Variants in AGBL4 observed in about 807,000 individuals in gnomAD.
AGBL4 encodes the protein AGBL carboxypeptidase 4.
AGBL4 carries 58 observed loss-of-function variants against 66.4 expected under a neutral mutation model. The ratio of observed to expected loss-of-function variants is 0.87; its 90% CI spans 0.71 to 1.09. The LOEUF is 1.09. Ranked by LOEUF, AGBL4 falls within the 50% of genes least tolerant of loss-of-function variation. AGBL4 has a pLI of 0.00. For synonymous variants in AGBL4, 234 were observed against 222.9 expected, an observed-to-expected ratio of 1.05 and a Z score of -0.44; for missense variants, 579 against 631.0, an observed-to-expected ratio of 0.92 and a Z score of 0.88.
At chr1:49,962,997 C>T (rs1407056524) in intron 1 of AGBL4, among the ~76,000 whole-genome samples, 1 of 152,132 alleles carries the variant, frequency 6.6e-6, no homozygotes, top group Non-Finnish European at 1.5e-5. Context: ...TTCCCCTGCA[C>T]ATCAATCAAA....
intron 1 of AGBL4, among the ~76,000 whole-genome samples, chr1:49,983,461 C>T (rs546074649): frequency 2.1e-4 from 32 of 152,352 alleles, no homozygotes; most frequent in Non-Finnish European, 3.5e-4. Flanking sequence ...GCTCACACAC[C>T]GCTCGCTGCT....
chr1:49,280,338 G>A (rs1644250084), intron 3 of AGBL4, among the ~76,000 whole-genome samples: 1 of 152,132 alleles, frequency 6.6e-6, no homozygotes, highest in Non-Finnish European at 1.5e-5. Flanking sequence ...TTTTGTGTCA[G>A]TTAAACTGTT....
At chr1:49,702,871 A>G (rs944685270) in intron 2 of AGBL4, among the ~76,000 whole-genome samples, 2 of 152,262 alleles carry the variant, frequency 1.3e-5, no homozygotes, top group Admixed American at 1.3e-4. Flanking sequence ...AGATGCATAA[A>G]AAAAATCTGA....
intron 3 of AGBL4, among the ~76,000 whole-genome samples, chr1:49,381,911 C>T (rs374594404): frequency 1.2e-4 from 18 of 151,636 alleles, no homozygotes; most frequent in African/African-American, 2.9e-4. Context: ...ACGAGTTAAT[C>T]GGTGCAGCAC....
At chr1:49,045,960 A>G (rs1364442531) in intron 4 of AGBL4, among the ~76,000 whole-genome samples, 160 bp from the exon 5 acceptor site, 1 of 152,234 alleles carries the variant, frequency 6.6e-6, no homozygotes, top group Non-Finnish European at 1.5e-5. Flanking sequence ...TGTTTAAAAC[A>G]GACCTGAATC....
Position 48,702,463 on chromosome 1 carries a change from T to C in AGBL4, c.635-39222A>G, listed in dbSNP as rs1646817496. On this transcript the variant is annotated intron_variant, in intron 6 of 13. Coordinates refer to ENST00000371839, the MANE Select transcript of AGBL4 (RefSeq NM_032785.4). ...CCCACAACTACGCCTAGCTAATTTT[T>C]ATATTTTTAGTAAAGACAAGGTTCC... 1.3e-5 allele frequency among the ~76,000 whole-genome samples: 2 copies of C among 152,094 alleles called. 1 individual carries two copies. The highest frequency in any genetic ancestry group is 4.8e-5 in the African/African-American group (2 of 41,402).
chr1:49,818,796 A>C (rs1470665883), intron 2 of AGBL4, among the ~76,000 whole-genome samples: 1 of 152,228 alleles, frequency 6.6e-6, no homozygotes, highest in Non-Finnish European at 1.5e-5. Flanking sequence ...GCCCAGATGT[A>C]AGAGCGTGGA....
chr1:49,650,391 G>A (rs114943948), intron 3 of AGBL4, among the ~76,000 whole-genome samples: 2,328 of 152,254 alleles, frequency 0.015, 65 homozygotes, highest in African/African-American at 0.054. Flanking sequence ...AACTGCTGAC[G>A]ACTAAATTGC....
At chr1:49,874,502 C>A (rs1261806164) in intron 1 of AGBL4, among the ~76,000 whole-genome samples, 1 of 151,916 alleles carries the variant, frequency 6.6e-6, no homozygotes, top group African/African-American at 2.4e-5. Context: ...GGGAAAGTGG[C>A]TATAATCCAT....
At chr1:49,398,378 TTCAGACCTGTG>T (rs1194743364) in intron 3 of AGBL4, among the ~76,000 whole-genome samples, 32 of 151,432 alleles carry the variant, frequency 2.1e-4, no homozygotes, top group African/African-American at 7.8e-4. Context: ...GCTCCTGATT[TTCAGACCTGTG>T]AACTCTAGGA....
chr1:49,822,119 A>G (rs1457303131), intron 2 of AGBL4, among the ~76,000 whole-genome samples: 1 of 152,152 alleles, frequency 6.6e-6, no homozygotes, highest in Admixed American at 6.5e-5. Flanking sequence ...ATTCTGTGTA[A>G]TATTTTCTTT....
chr1:49,608,194 A>C (rs1178367528), intron 3 of AGBL4, among the ~76,000 whole-genome samples: 2 of 152,128 alleles, frequency 1.3e-5, no homozygotes, highest in African/African-American at 4.8e-5. Context: ...AGGAATCAAC[A>C]TGAGTGAAGG....
At chr1:49,147,851 C>T (rs1280095695) in intron 4 of AGBL4, among the ~76,000 whole-genome samples, 1 of 151,958 alleles carries the variant, frequency 6.6e-6, no homozygotes, top group Non-Finnish European at 1.5e-5. Flanking sequence ...TGACAAAGCC[C>T]TGTGGCCAGG....
chr1:49,353,981 T>C (rs1643965584), intron 3 of AGBL4, among the ~76,000 whole-genome samples: 1 of 152,150 alleles, frequency 6.6e-6, no homozygotes, highest in Admixed American at 6.5e-5. Context: ...CTGACCTGAT[T>C]CTTCCTGGAT....
At position 49,198,553 on chromosome 1, in the gene AGBL4, T is replaced by C. The variant is rs570302570; in HGVS notation, c.377+47217A>G. 4.0e-4 allele frequency among the ~76,000 whole-genome samples: 61 copies of C among 152,156 alleles called. 1 individual carries two copies. The East Asian group carries it at 0.012, about 29-fold the overall frequency. The stretch of plus-strand genomic sequence containing the variant: ...TGGGGTATCACCATGTTGGCCAGGC[T>C]GGTCTAGAACTCCTGAACTCAGGTG... On this transcript the variant is annotated intron_variant, in intron 4 of 13. Transcript: ENST00000371839.
At chr1:48,673,229 C>T (rs554655478) in intron 6 of AGBL4, among the ~76,000 whole-genome samples, 2 of 152,246 alleles carry the variant, frequency 1.3e-5, no homozygotes, top group Non-Finnish European at 2.9e-5. Context: ...AGTTGAGGTG[C>T]AAACAGAAAT....
At chr1:49,246,788 G>T (rs1171238516) in intron 3 of AGBL4, among the ~76,000 whole-genome samples, 1 of 152,060 alleles carries the variant, frequency 6.6e-6, no homozygotes, top group East Asian at 1.9e-4. Context: ...AGAGCAGCCA[G>T]AATAGCTGGA....
At chr1:49,425,766 AGAG>A (rs1645643566) in intron 3 of AGBL4, among the ~76,000 whole-genome samples, 1 of 152,176 alleles carries the variant, frequency 6.6e-6, no homozygotes. Flanking sequence ...TGAGGGGGTG[AGAG>A]GAGAAACTCT....
At chr1:49,423,538 G>T (rs891086983) in intron 3 of AGBL4, among the ~76,000 whole-genome samples, 1 of 152,100 alleles carries the variant, frequency 6.6e-6, no homozygotes, top group Non-Finnish European at 1.5e-5. Context: ...GGCCAGGCAT[G>T]GTGGCTCACA....
Sources: allele counts gnomAD v4.1 joint callset (sites outside exome capture counted in the v4.1 genomes callset), GRCh38; gene constraint gnomAD v4.1.1; transcripts MANE v1.5; gene names NCBI Gene and HGNC (gene_info 2026-07-23, HGNC 2026-07-21).